The following ICA1 variants were observed in gnomAD, a reference collection of about 807,000 sequenced individuals.
ICA1 encodes islet cell autoantigen 1.
A neutral mutation model predicts 71.0 loss-of-function variants in ICA1; 40 were observed. The observed-to-expected ratio is 0.56, with a 90% CI of 0.44 to 0.73. The LOEUF (loss-of-function observed/expected upper bound fraction) is 0.73. ICA1 is among the 30% of genes least tolerant of loss of function. The probability of loss-of-function intolerance (pLI) is 0.00; values close to 1 mark genes in which losing one functional copy is unlikely to be tolerated. For synonymous variants in ICA1, 207 were observed against 209.5 expected (o/e 0.99, Z 0.10); for missense variants, 578 against 576.5 (o/e 1.00, Z -0.03).
chr7:8,230,223 A>C (rs1799840248), intron 3 of ICA1, among the ~76,000 whole-genome samples: 1 of 152,234 alleles, frequency 6.6e-6, no homozygotes. Flanking sequence ...GGATTTCATT[A>C]GCAAGCAACG....
At chr7:8,250,481 T>A (rs894777823) in intron 1 of ICA1, among the ~76,000 whole-genome samples, 2 of 152,160 alleles carry the variant, frequency 1.3e-5, no homozygotes, top group Non-Finnish European at 2.9e-5. Context: ...TTTGATGAGT[T>A]TTTAATGGGT....
At chr7:8,124,007 C>T (rs1428120792) in intron 13 of ICA1, among the ~76,000 whole-genome samples, 1 of 152,108 alleles carries the variant, frequency 6.6e-6, no homozygotes, top group Non-Finnish European at 1.5e-5. Context: ...AAAATTCATC[C>T]ATGTGAAAAG....
At position 8,113,758 on chromosome 7, in the gene ICA1, A is replaced by C; in HGVS notation, c.*165T>G. The C allele has an allele frequency of 1.5e-6, 1 of 680,930 alleles. No individual in the cohort carries two copies. Among genetic ancestry groups the C allele is most frequent in the Non-Finnish European group, 2.4e-6 (1 of 409,282 alleles). The allele number at this position is 680,930 out of a possible 1,614,324, so 42.2% of individuals were successfully genotyped here. ...GATACACGAAAACCCTTTATACCAAATAAGAGTAAATAATTATACCAATAT... is the reference window on the plus strand; with the variant it reads ...GATACACGAAAACCCTTTATACCAACTAAGAGTAAATAATTATACCAATAT... On this transcript the variant is annotated 3_prime_UTR_variant, in exon 14 of 14. Transcript: ENST00000402384. The surrounding 1 kb of genome is among the most constrained non-coding windows in gnomAD (Gnocchi z 4.2).
In ICA1 at chr7:8,226,372, G is replaced by T. The variant is rs959654283; in HGVS notation, c.256+2229C>A. On this transcript the variant is annotated intron_variant, in intron 4 of 13. Transcript: ENST00000402384. The surrounding 1 kb of genome is among the most constrained non-coding windows in gnomAD (Gnocchi z 4.4). Reference sequence around the variant, plus strand: ...TAGATATAGATATAGATGGTAAAATGTGATGCAATGTAAAAAAATGGTAAT... The same window carrying T: ...TAGATATAGATATAGATGGTAAAATTTGATGCAATGTAAAAAAATGGTAAT... Among the ~76,000 whole-genome samples the T allele has an allele frequency of 2.0e-5, 3 of 151,956 alleles. No homozygotes were observed. The highest frequency in any genetic ancestry group is 7.3e-5 in the African/African-American group (3 of 41,264).
chr7:8,130,298 T>A lies in ICA1; in HGVS notation c.1061-2156A>T, dbSNP rs1417155427. Among the ~76,000 whole-genome samples the A allele has an allele frequency of 5.3e-5, 8 of 152,192 alleles. No homozygotes were observed. The highest frequency in any genetic ancestry group is 3.9e-4 in the Admixed American group (6 of 15,284). On this transcript the variant is annotated intron_variant, in intron 12 of 13. Transcript: ENST00000402384. The surrounding 1 kb of genome is among the most constrained non-coding windows in gnomAD (Gnocchi z 4.2). ...AGGAACCACTTGAGCCTGCACATGG[T>A]GGGCGAGGCAGGACTGTAAGGTCAG...
At chr7:8,186,172 G>C (rs1428788863) in intron 6 of ICA1, among the ~76,000 whole-genome samples, 1 of 152,196 alleles carries the variant, frequency 6.6e-6, no homozygotes, top group African/African-American at 2.4e-5. Flanking sequence ...AAAGGAACAG[G>C]GGGAGGAGAC....
chr7:8,170,840 G>A (rs1808066773), intron 6 of ICA1, among the ~76,000 whole-genome samples: 2 of 151,636 alleles, frequency 1.3e-5, no homozygotes, highest in African/African-American at 4.8e-5. Context: ...TATTATATTG[G>A]CTATGTTAAT....
intron 6 of ICA1, among the ~76,000 whole-genome samples, chr7:8,171,317 A>G (rs186302832): frequency 8.5e-5 from 13 of 152,070 alleles, no homozygotes; most frequent in Non-Finnish European, 1.5e-4. Flanking sequence ...AATATGATTT[A>G]TTCATAGATA....
intron 4 of ICA1, among the ~76,000 whole-genome samples, chr7:8,221,714 G>T (rs185066837): frequency 6.6e-6 from 1 of 152,310 alleles, no homozygotes; most frequent in Admixed American, 6.5e-5. Flanking sequence ...TGAAATAAAG[G>T]AGTTGGGTTT....
Position 8,235,935 on chromosome 7 carries a change from C to T in ICA1, c.-9G>A. 1 of 1,612,896 alleles carries T rather than the reference C, an allele frequency of 6.2e-7. No individual in the cohort carries two copies. The highest frequency in any genetic ancestry group is 1.1e-5 in the South Asian group (1 of 90,886). ...CATTTGTGTCCTGACATGTTTTCTT[C>T]TTCTTCTATTGTTGATGATTTGGGG... On this transcript the variant is annotated 5_prime_UTR_variant, in exon 2 of 14. Transcript: ENST00000402384.
chr7:8,195,134 T>G (rs77360236), intron 6 of ICA1, among the ~76,000 whole-genome samples: 6 of 152,212 alleles, frequency 3.9e-5, no homozygotes, highest in African/African-American at 1.4e-4. Flanking sequence ...CCCAATATTG[T>G]ATGTCATTAG....
At chr7:8,196,375 A>C (rs1051092598) in intron 6 of ICA1, among the ~76,000 whole-genome samples, 5 of 152,252 alleles carry the variant, frequency 3.3e-5, no homozygotes, top group African/African-American at 1.2e-4. Flanking sequence ...GAATAGGTGA[A>C]GCACAGATGA....
chr7:8,191,058 G>C (rs1023273035), intron 6 of ICA1, among the ~76,000 whole-genome samples: 1 of 152,106 alleles, frequency 6.6e-6, no homozygotes, highest in Non-Finnish European at 1.5e-5. Context: ...AGGAACCATC[G>C]TCTGACTCCA....
intron 2 of ICA1, among the ~76,000 whole-genome samples, chr7:8,235,234 T>C (rs1445569031): frequency 2.0e-5 from 3 of 152,190 alleles, no homozygotes; most frequent in Non-Finnish European, 4.4e-5. Flanking sequence ...TTTTTCATGA[T>C]ACAAATTAAA....
intron 6 of ICA1, among the ~76,000 whole-genome samples, chr7:8,175,690 A>G (rs1584917789): frequency 6.6e-6 from 1 of 152,240 alleles, no homozygotes; most frequent in East Asian, 1.9e-4. Flanking sequence ...AGGTTTATAC[A>G]TGTTCTGATA....
At chr7:8,246,990 C>G (rs1806269247) in intron 1 of ICA1, among the ~76,000 whole-genome samples, 2 of 152,196 alleles carry the variant, frequency 1.3e-5, no homozygotes, top group African/African-American at 4.8e-5. Context: ...TCATGATCCA[C>G]CCGCCTTGGC....
At chr7:8,131,290 A>G (rs1254048071) in intron 12 of ICA1, among the ~76,000 whole-genome samples, 1 of 152,236 alleles carries the variant, frequency 6.6e-6, no homozygotes, top group African/African-American at 2.4e-5. Context: ...TCCCCATTAC[A>G]TGGATCAATA....
chr7:8,120,747 G>T (rs921764583), intron 13 of ICA1, among the ~76,000 whole-genome samples: 21 of 152,278 alleles, frequency 1.4e-4, no homozygotes, highest in African/African-American at 5.1e-4. Flanking sequence ...AGAGCAAACT[G>T]CCCCCCGTTA....
chr7:8,165,963 A>G (rs1584799811), intron 6 of ICA1, among the ~76,000 whole-genome samples: 1 of 152,244 alleles, frequency 6.6e-6, no homozygotes, highest in African/African-American at 2.4e-5. Context: ...CACAGGTTCA[A>G]TGCTATTCCT....
Sources: gnomAD v4.1 joint callset for allele counts (sites outside exome capture counted in the v4.1 genomes callset) on GRCh38, gnomAD v4.1.1 for gene constraint, Gnocchi (gnomAD v3.1) non-coding constraint, MANE v1.5 for transcripts, NCBI Gene and HGNC (gene_info 2026-07-23, HGNC 2026-07-21) for gene names.